SI: variants seen among roughly 807,000 people sequenced by gnomAD.
SI encodes the protein sucrase-isomaltase.
SI carries 235 observed loss-of-function variants against 253.3 expected under a neutral mutation model. The ratio of observed to expected loss-of-function variants is 0.93; its 90% CI spans 0.83 to 1.03. The LOEUF is 1.03. SI is among the 50% of genes least tolerant of loss of function. The pLI is 0.00. For synonymous variants in SI, 819 were observed against 712.0 expected (o/e 1.15, Z -2.39); for missense variants, 2,442 against 2,211.1 (o/e 1.10, Z -2.09).
intron 37 of SI, 50 bp downstream of exon 37, chr3:165,006,766 A>G (rs1342872910): frequency 6.5e-7 from 1 of 1,530,922 alleles, no homozygotes; most frequent in Non-Finnish European, 9.0e-7. Flanking sequence ...ATTAAATGTA[A>G]GAACCAAAGA....
chr3:165,066,755 G>C (rs1258585421), intron 6 of SI, among the ~76,000 whole-genome samples: 1 of 151,844 alleles, frequency 6.6e-6, no homozygotes, highest in Non-Finnish European at 1.5e-5. Flanking sequence ...ATAAACAAAA[G>C]TACTAAGATA....
At chr3:164,988,896 G>C (rs1404799040) in intron 44 of SI, among the ~76,000 whole-genome samples, 2 of 152,064 alleles carry the variant, frequency 1.3e-5, no homozygotes, top group South Asian at 2.1e-4. Context: ...AGGCAAATAA[G>C]AGAAGGGCCT....
At chr3:164,992,441 T>A (rs1472557618) in intron 41 of SI, 44 bp from the exon 42 acceptor site, 1 of 1,230,938 alleles carries the variant, frequency 8.1e-7, no homozygotes, top group Non-Finnish European at 1.2e-6. Flanking sequence ...ACAAATAACT[T>A]TCTTCTGAAT....
intron 12 of SI, among the ~76,000 whole-genome samples, chr3:165,058,103 G>A (rs76135860): frequency 1.3e-5 from 2 of 151,106 alleles, no homozygotes; most frequent in East Asian, 1.9e-4. Context: ...ACACCACAAT[G>A]GAATAAAATC....
At position 164,991,459 on chromosome 3, in the gene SI, T is replaced by C; in HGVS notation, c.5002A>G (p.Arg1668Gly). Residue 1668 changes from arginine (R) to glycine (G), a missense_variant, in exon 44 of 48, where the codon AGA becomes GGA. Arg to Gly is a moderately radical substitution (Grantham distance 125). Coordinates refer to ENST00000264382, the MANE Select transcript of SI (RefSeq NM_001041.4). ...DYHTGKDIGV[R>G]GQFQTFNASY... The stretch of plus-strand genomic sequence containing the variant: ...GCATTAAATGTTTGAAATTGTCCTC[T>C]GACGCCAATATCTTTGCCCTGGAAA... 6.2e-7 allele frequency: 1 copy of C among 1,613,630 alleles called. No individual in the cohort carries two copies. Among genetic ancestry groups the C allele is most frequent in the Non-Finnish European group, 8.5e-7 (1 of 1,179,684 alleles).
intron 37 of SI, among the ~76,000 whole-genome samples, chr3:165,000,388 A>T (rs78033363): frequency 5.7e-4 from 87 of 151,474 alleles, no homozygotes; most frequent in African/African-American, 2.0e-3. Flanking sequence ...TAGCAAGATG[A>T]CCATAGTTAA....
upstream of SI, among the ~76,000 whole-genome samples, chr3:165,080,519 T>C (rs917309165): frequency 6.6e-6 from 1 of 152,100 alleles, no homozygotes; most frequent in Middle Eastern, 3.4e-3. Context: ...CCATCAATGA[T>C]AGACTGGATT....
chr3:165,043,235 T>A, intron 16 of SI, 60 bp from the exon 17 acceptor site: 1 of 1,087,566 alleles, frequency 9.2e-7, no homozygotes, highest in Non-Finnish European at 1.4e-6. Flanking sequence ...GCCTAGAGCA[T>A]CACACTGTAT....
intron 16 of SI, 107 bp downstream of exon 16, chr3:165,046,734 A>T: frequency 1.1e-6 from 1 of 931,464 alleles, no homozygotes. Flanking sequence ...AAACTGAATT[A>T]TTTCTGTAAC....
At chr3:165,018,757 A>C (rs1345618042) in intron 28 of SI, among the ~76,000 whole-genome samples, 1 of 151,530 alleles carries the variant, frequency 6.6e-6, no homozygotes, top group Non-Finnish European at 1.5e-5. Context: ...TATTAGTCTA[A>C]TAATATCGGT....
At chr3:165,056,485 T>C (rs1452098676) in intron 12 of SI, among the ~76,000 whole-genome samples, 2 of 152,106 alleles carry the variant, frequency 1.3e-5, no homozygotes, top group African/African-American at 4.8e-5. Context: ...TTTAGCATCA[T>C]ATCAAGTGAA....
At chr3:165,037,131 C>T (rs1348099682) in intron 21 of SI, among the ~76,000 whole-genome samples, 2 of 151,762 alleles carry the variant, frequency 1.3e-5, no homozygotes, top group East Asian at 3.9e-4. Context: ...CATTGTGATA[C>T]TAGTCCATTC....
At chr3:164,998,823 T>C (rs187768876) in intron 37 of SI, 150 bp from the exon 38 acceptor site, 194 of 700,484 alleles carry the variant, frequency 2.8e-4, no homozygotes, top group Non-Finnish European at 4.2e-4. Flanking sequence ...TTGTCTTCTC[T>C]CATTAAATTA....
chr3:164,999,284 G>C (rs1718157013), intron 37 of SI, among the ~76,000 whole-genome samples: 1 of 151,596 alleles, frequency 6.6e-6, no homozygotes, highest in African/African-American at 2.4e-5. Flanking sequence ...AGTCTTTGGA[G>C]AATGAATTTA....
At chr3:164,980,836 T>G (rs1459240259) in intron 47 of SI, among the ~76,000 whole-genome samples, 1 of 152,036 alleles carries the variant, frequency 6.6e-6, no homozygotes, top group East Asian at 1.9e-4. Flanking sequence ...ATTTTTACCA[T>G]AAAAGTTGTG....
At position 165,013,034 on chromosome 3, in the gene SI, T is replaced by C. The variant is rs747858019; in HGVS notation, c.4008A>G (p.Pro1336=). 131 of 1,605,936 alleles carry C rather than the reference T, an allele frequency of 8.2e-5. 1 individual carries two copies. In the South Asian group the frequency reaches 1.3e-3, roughly 16 times the overall value. ...TATCTATTGTTATGTTGGGCAAATC[T>C]GGCCAAACCTACAAGAGACAAGACA... The part of the protein sequence containing the change: ...TNDICWAKVW[P]DLPNITIDKT... Residue 1336 remains proline (P), a synonymous_variant, in exon 34 of 48, where the codon CCA becomes CCG. Coordinates refer to ENST00000264382, the MANE Select transcript of SI (RefSeq NM_001041.4).
intron 40 of SI, among the ~76,000 whole-genome samples, chr3:164,995,349 T>G (rs924626563): frequency 1.3e-5 from 2 of 151,818 alleles, no homozygotes; most frequent in Admixed American, 1.3e-4. Context: ...CAAAGTTAAA[T>G]AAGAAGAAAA....
chr3:165,031,655 A>T (rs887054451), intron 24 of SI, among the ~76,000 whole-genome samples: 3 of 150,512 alleles, frequency 2.0e-5, no homozygotes, highest in African/African-American at 7.3e-5. Flanking sequence ...TAAAACAAAA[A>T]TATTATAAGA....
intron 47 of SI, among the ~76,000 whole-genome samples, chr3:164,980,215 AT>A (rs1217076974): frequency 1.3e-5 from 2 of 151,918 alleles, no homozygotes; most frequent in Non-Finnish European, 2.9e-5. Context: ...AGCACAGCAC[AT>A]TTGGATTAAT....
Sources: allele counts gnomAD v4.1 joint callset (sites outside exome capture counted in the v4.1 genomes callset), GRCh38; gene constraint gnomAD v4.1.1; transcripts MANE v1.5; gene names NCBI Gene and HGNC (gene_info 2026-07-23, HGNC 2026-07-21).